The following MELK variants were observed in gnomAD, a reference collection of about 807,000 sequenced individuals.
MELK encodes pEg3 kinase.
In MELK, 81 loss-of-function variants were observed where a neutral mutation model predicts 85.0. The observed-to-expected ratio is 0.95, with a 90% CI of 0.80 to 1.15. The LOEUF is 1.15. Ranked by LOEUF, MELK falls within the 50% of genes most tolerant of loss-of-function variation. The pLI is 0.00. For synonymous variants in MELK, 252 were observed against 265.0 expected (o/e 0.95, Z 0.48); for missense variants, 754 against 777.5 (o/e 0.97, Z 0.36).
rs1827443904 is a variant in MELK, at chr9:36,621,477, C to T, written c.667-8822C>T. Among the ~76,000 whole-genome samples, 3 of 151,902 alleles carry T rather than the reference C, an allele frequency of 2.0e-5. No individual in the cohort carries two copies. The South Asian group carries it at 6.2e-4, about 32-fold the overall frequency. ...CACCCAGCTAATTTTCGTTATTATA[C>T]TTCTTTTAGACCAAGAAACTAAAGC... On this transcript the variant is annotated intron_variant, in intron 8 of 17. Transcript: ENST00000298048.
At chr9:36,605,629 A>G (rs1825403660) in intron 7 of MELK, among the ~76,000 whole-genome samples, 1 of 152,000 alleles carries the variant, frequency 6.6e-6, no homozygotes, top group East Asian at 1.9e-4. Flanking sequence ...AACTTGGAAG[A>G]GTAATCAAGT....
intron 7 of MELK, among the ~76,000 whole-genome samples, chr9:36,602,092 C>T (rs894053774): frequency 5.3e-5 from 8 of 152,066 alleles, no homozygotes; most frequent in South Asian, 4.1e-4. Flanking sequence ...TATTCAGAAG[C>T]GGAGTTGCTG....
intron 11 of MELK, among the ~76,000 whole-genome samples, chr9:36,651,347 A>T (rs545750127): frequency 2.0e-5 from 3 of 152,234 alleles, no homozygotes; most frequent in African/African-American, 7.2e-5. Flanking sequence ...TTAGCTAAAC[A>T]TTGTGATAAA....
chr9:36,657,390 G>T, intron 13 of MELK, 27 bp downstream of exon 13: 1 of 1,570,560 alleles, frequency 6.4e-7, no homozygotes, highest in East Asian at 2.3e-5. Context: ...ACTATTTAAG[G>T]CAGAATCTAT....
rs773423289 is a variant in MELK, at chr9:36,583,652, C to T, written c.84C>T (p.Ala28=). The T allele has an allele frequency of 6.2e-7, 1 of 1,611,560 alleles. No homozygotes were observed. The highest frequency in any genetic ancestry group is 8.5e-7 in the Non-Finnish European group (1 of 1,178,502). ...GTGGFAKVKL[A]CHILTGEMVA... is the part of the protein sequence containing the mutation. ...GTGGCTTTGCAAAGGTCAAACTTGC[C>T]TGCCATATCCTTACTGGAGAGATGG... The change falls in exon 3 of 18, where the codon GCC becomes GCT. Residue 28 remains alanine, a synonymous_variant. Transcript: ENST00000298048.
intron 8 of MELK, among the ~76,000 whole-genome samples, chr9:36,612,535 GCCA>G (rs1458449101): frequency 1.3e-5 from 2 of 152,112 alleles, no homozygotes; most frequent in African/African-American, 4.8e-5. Context: ...ACAGGCGAGT[GCCA>G]CCAAGCTCAG....
At chr9:36,630,960 CTT>C (rs1227155289) in intron 9 of MELK, among the ~76,000 whole-genome samples, 13 of 127,086 alleles carry the variant, frequency 1.0e-4, no homozygotes, top group Admixed American at 3.3e-4. Context: ...GGCCCCAGCT[CTT>C]TTTTTTTTTT....
Position 36,599,399 on chromosome 9 carries a change from C to T in MELK, c.480C>T (p.Asn160=), listed in dbSNP as rs754234154. The stretch of plus-strand genomic sequence containing the variant: ...CATTTTTATCTTATTGGCAGGGTAA[C>T]AAGGATTACCATCTACAGACATGCT... ...DFGLCAKPKG[N]KDYHLQTCCG... is the part of the protein sequence containing the mutation. Residue 160 remains asparagine, a synonymous_variant, in exon 7 of 18, where the codon AAC becomes AAT. Transcript: ENST00000298048. 1 of 1,596,122 alleles carries T rather than the reference C, an allele frequency of 6.3e-7. No homozygotes were observed. Among genetic ancestry groups the T allele is most frequent in the Non-Finnish European group, 8.6e-7 (1 of 1,168,738 alleles).
At chr9:36,665,643 T>A (rs1832268973) in intron 14 of MELK, 62 bp downstream of exon 14, 1 of 1,296,886 alleles carries the variant, frequency 7.7e-7, no homozygotes, top group Admixed American at 2.2e-5. Flanking sequence ...TAAGTAAACA[T>A]ATAGCAGGTC....
chr9:36,665,300 A>AT, intron 13 of MELK, 50 bp from the exon 14 acceptor site: 4 of 1,154,916 alleles, frequency 3.5e-6, no homozygotes, highest in Non-Finnish European at 3.8e-6. Context: ...TTGTAAAGAA[A>AT]TTGACTTTTC....
chr9:36,611,948 CT>C (rs2135952293), intron 8 of MELK, among the ~76,000 whole-genome samples: 1 of 150,912 alleles, frequency 6.6e-6, no homozygotes, highest in Non-Finnish European at 1.5e-5. Context: ...AATTTTTGTA[CT>C]TTTAGTAGAG....
chr9:36,599,873 C>CA (rs1003197502), intron 7 of MELK, among the ~76,000 whole-genome samples: 2 of 152,142 alleles, frequency 1.3e-5, no homozygotes, highest in Non-Finnish European at 2.9e-5. Context: ...TCTCCAAGGC[C>CA]AGCAGCCCTG....
rs560072593 is a variant in MELK at position 36,621,817 on chromosome 9, T to C, written c.667-8482T>C. ...GGAATTCATACTATTATCAGTATAT[T>C]GTTTCATCAATAAAAGGTGAATGTA... On this transcript the variant is annotated intron_variant, in intron 8 of 17. Transcript: ENST00000298048. Among the ~76,000 whole-genome samples, 5 of 152,342 alleles carry C rather than the reference T, an allele frequency of 3.3e-5. No homozygotes were observed. The South Asian group carries it at 8.3e-4, about 25-fold the overall frequency.
At chr9:36,577,339 C>G (rs1266592562) in intron 1 of MELK, among the ~76,000 whole-genome samples, 1 of 152,096 alleles carries the variant, frequency 6.6e-6, no homozygotes, top group Non-Finnish European at 1.5e-5. Flanking sequence ...ATGGCGAAAC[C>G]CCATCCCTAC....
At chr9:36,653,776 C>G (rs1040392093) in intron 12 of MELK, among the ~76,000 whole-genome samples, 1 of 150,976 alleles carries the variant, frequency 6.6e-6, no homozygotes, top group African/African-American at 2.4e-5. Flanking sequence ...TTATAGGCCT[C>G]AAAACTGTAA....
intron 8 of MELK, among the ~76,000 whole-genome samples, chr9:36,617,959 C>G (rs1564168567): frequency 1.3e-5 from 2 of 151,606 alleles, no homozygotes; most frequent in African/African-American, 4.9e-5. Flanking sequence ...GACTCCGTCT[C>G]TACAAAAAAT....
At chr9:36,671,600 G>C (rs1254415961) in intron 16 of MELK, among the ~76,000 whole-genome samples, 1 of 152,210 alleles carries the variant, frequency 6.6e-6, no homozygotes, top group Admixed American at 6.5e-5. Context: ...AAAATAGTGA[G>C]TGACAAGCGG....
chr9:36,640,943 A>G (rs954397425), intron 10 of MELK, among the ~76,000 whole-genome samples: 3 of 152,162 alleles, frequency 2.0e-5, no homozygotes, highest in Admixed American at 2.0e-4. Context: ...GCTTGTTGTT[A>G]CAAGTGTGAT....
intron 8 of MELK, among the ~76,000 whole-genome samples, chr9:36,617,598 G>A (rs1333383465): frequency 6.6e-6 from 1 of 152,120 alleles, no homozygotes; most frequent in African/African-American, 2.4e-5. Flanking sequence ...GGGATTATAG[G>A]CATGAGCCAC....
Sources: allele counts gnomAD v4.1 joint callset (sites outside exome capture counted in the v4.1 genomes callset), GRCh38; gene constraint gnomAD v4.1.1; transcripts MANE v1.5; gene names NCBI Gene and HGNC (gene_info 2026-07-23, HGNC 2026-07-21).